The following N4BP2L2 variants were observed in gnomAD, a reference collection of about 807,000 sequenced individuals.
The protein encoded by N4BP2L2 is NEDD4 binding protein 2 like 2.
Under a neutral mutation model 56.2 loss-of-function variants are expected in N4BP2L2, and 50 were observed. That is an observed-to-expected ratio of 0.89 (90% CI 0.71 to 1.13). The LOEUF (loss-of-function observed/expected upper bound fraction) is 1.13. N4BP2L2 is among the 50% of genes most tolerant of loss of function. The probability of loss-of-function intolerance (pLI) is 0.00; values close to 1 mark genes in which losing one functional copy is unlikely to be tolerated. For missense variants in N4BP2L2, 689 were observed against 693.8 expected, an observed-to-expected ratio of 0.99 and a Z score of 0.08; for synonymous variants, 203 against 223.6, an observed-to-expected ratio of 0.91 and a Z score of 0.82.
chr13:32,443,677 G>A (rs956878035), exon 7 of N4BP2L2: 1 of 1,609,050 alleles, frequency 6.2e-7, no homozygotes, highest in Non-Finnish European at 8.5e-7. Flanking sequence ...GCAGTCATCA[G>A]TTGTTACACA....
intron 3 of N4BP2L2, chr13:32,524,988 C>G (rs2052266003): frequency 6.6e-6 from 1 of 152,430 alleles, no homozygotes; most frequent in African/African-American, 2.4e-5. Context: ...GTCTCTAACT[C>G]CTGGGCTCAA....
chr13:32,482,400 C>T (rs926873505), intron 6 of N4BP2L2, among the ~76,000 whole-genome samples: 26 of 152,158 alleles, frequency 1.7e-4, no homozygotes, highest in Non-Finnish European at 3.5e-4. Flanking sequence ...CTCACTTTGT[C>T]GCCCAAGCTG....
intron 2 of N4BP2L2, among the ~76,000 whole-genome samples, chr13:32,530,889 T>TAAA (rs3075024): frequency 2.3e-4 from 30 of 130,388 alleles, no homozygotes; most frequent in Admixed American, 3.9e-4. Flanking sequence ...CGGAGATTAC[T>TAAA]AAAAAAAAAA....
chr13:32,523,354 A>G (rs2051568411), intron 3 of N4BP2L2: 1 of 147,470 alleles, frequency 6.8e-6, no homozygotes, highest in East Asian at 2.0e-4. Context: ...ATGACGCCGC[A>G]GCACTACAGC....
intron 6 of N4BP2L2, among the ~76,000 whole-genome samples, chr13:32,462,468 G>A (rs892094183): frequency 5.9e-5 from 9 of 152,058 alleles, no homozygotes; most frequent in Non-Finnish European, 1.0e-4. Context: ...TGGGTGGGGC[G>A]TGGAATGGAT....
chr13:32,530,286 T>C (rs1268074174), intron 2 of N4BP2L2, among the ~76,000 whole-genome samples: 1 of 152,206 alleles, frequency 6.6e-6, no homozygotes, highest in Non-Finnish European at 1.5e-5. Context: ...TGCATATTTT[T>C]CAAATTCCGT....
rs887494504 is a variant in N4BP2L2 at position 32,435,899 on chromosome 13, TG to T, written c.*21+461del. ...GTGTTTATTTCATAATTTAGGCATT[TG>T]AAAAAAAATGCAATGTGTTTATTTT... On this transcript the variant is annotated intron_variant, in intron 9 of 9. Coordinates refer to the N4BP2L2 transcript ENST00000357505. Among the ~76,000 whole-genome samples, 14 of 152,294 alleles carry T rather than the reference TG, an allele frequency of 9.2e-5. No homozygotes were observed. The East Asian group carries it at 1.9e-3, about 21-fold the overall frequency.
intron 2 of N4BP2L2, 117 bp downstream of exon 2, chr13:32,535,652 C>T (rs1400563336): frequency 3.6e-6 from 4 of 1,126,368 alleles, no homozygotes; most frequent in African/African-American, 3.2e-5. Flanking sequence ...GACTGGTCCA[C>T]CCTGGCCTCC....
intron 6 of N4BP2L2, among the ~76,000 whole-genome samples, chr13:32,461,264 G>T (rs147431875): frequency 1.1e-4 from 16 of 152,204 alleles, no homozygotes; most frequent in African/African-American, 3.9e-4. Context: ...GTAGATAAAT[G>T]GGACTTAATT....
In N4BP2L2 at chr13:32,438,738, C is replaced by T; in HGVS notation, c.2105-1G>A. On this transcript the variant is annotated splice_acceptor_variant, in intron 7 of 9. Coordinates refer to the N4BP2L2 transcript ENST00000357505. LOFTEE classifies it high-confidence loss of function. ...ACATAGTCATCAGGCAACAAGGATT[C>T]TGTGAAAGAAAGAAAGACCTAATCT... 6.2e-7 allele frequency: 1 copy of T among 1,602,486 alleles called. No individual in the cohort carries two copies. Among genetic ancestry groups the T allele is most frequent in the Non-Finnish European group, 8.5e-7 (1 of 1,171,174 alleles).
At chr13:32,474,796 C>T (rs2082982651) in intron 6 of N4BP2L2, among the ~76,000 whole-genome samples, 1 of 152,150 alleles carries the variant, frequency 6.6e-6, no homozygotes, top group South Asian at 2.1e-4. Context: ...ACATGGCTAA[C>T]AAAAAGTTAA....
chr13:32,489,705 G>T (rs1170616162), intron 6 of N4BP2L2, among the ~76,000 whole-genome samples: 1 of 149,386 alleles, frequency 6.7e-6, no homozygotes, highest in Non-Finnish European at 1.5e-5. Flanking sequence ...CTATCAAAAG[G>T]TTCATCCTGT....
intron 6 of N4BP2L2, among the ~76,000 whole-genome samples, chr13:32,475,576 G>A (rs1269808141): frequency 1.3e-5 from 2 of 152,092 alleles, no homozygotes; most frequent in Non-Finnish European, 2.9e-5. Flanking sequence ...TTATGCAAAT[G>A]GACATTCCAG....
At chr13:32,529,911 A>C (rs555744946) in intron 2 of N4BP2L2, among the ~76,000 whole-genome samples, 2 of 152,070 alleles carry the variant, frequency 1.3e-5, no homozygotes, top group Admixed American at 1.3e-4. Flanking sequence ...TTTTTATTAG[A>C]GATGGGGTTT....
chr13:32,460,490 G>A (rs2079839541), intron 6 of N4BP2L2, among the ~76,000 whole-genome samples: 1 of 151,934 alleles, frequency 6.6e-6, no homozygotes, highest in Non-Finnish European at 1.5e-5. Context: ...AAAAATCAGT[G>A]GTATTGCTAT....
Position 32,465,118 on chromosome 13 carries a change from C to T in N4BP2L2, c.366-20992G>A, listed in dbSNP as rs1209840401. On this transcript the variant is annotated intron_variant, in intron 6 of 9. Coordinates refer to the N4BP2L2 transcript ENST00000357505. ...AGTAGCTGGGATTACAGGTGCCTGC[C>T]ACCACGCCCAGCTAATTTTTGTATT... Among the ~76,000 whole-genome samples, 5 of 152,150 alleles carry T rather than the reference C, an allele frequency of 3.3e-5. No individual in the cohort carries two copies. In the East Asian group the frequency reaches 9.6e-4, roughly 29 times the overall value.
At chr13:32,444,011 C>G (rs1593421864) in exon 7 of N4BP2L2, 1 of 1,609,070 alleles carries the variant, frequency 6.2e-7, no homozygotes, top group Non-Finnish European at 8.5e-7. Flanking sequence ...CTTAAGAATT[C>G]TAATGAGTTT....
intron 3 of N4BP2L2, 86 bp from the exon 4 acceptor site, chr13:32,522,356 T>A: frequency 1.2e-6 from 1 of 848,904 alleles, no homozygotes; most frequent in Non-Finnish European, 1.7e-6. Flanking sequence ...AGAAATGTAC[T>A]ACGTCTCTGT....
Position 32,525,401 on chromosome 13 carries a change from T to C in N4BP2L2, c.1384+2007A>G, listed in dbSNP as rs578016447. The C allele has an allele frequency of 9.2e-5, 14 of 152,350 alleles. No homozygotes were observed. The East Asian group carries it at 2.7e-3, about 29-fold the overall frequency. 9.4% of individuals were successfully genotyped at this position (152,350 alleles called of 1,614,324 possible). ...CTTATCTGATGTTTAAACATTCTTG[T>C]GAAACTATAAATTGTAACAGCGTGA... On this transcript the variant is annotated intron_variant, in intron 3 of 5. Transcript: ENST00000267068.
Sources: gnomAD v4.1 joint callset for allele counts (sites outside exome capture counted in the v4.1 genomes callset) on GRCh38, gnomAD v4.1.1 for gene constraint, MANE v1.5 for transcripts, NCBI Gene and HGNC (gene_info 2026-07-23, HGNC 2026-07-21) for gene names.